Variants in SCTR observed in about 807,000 individuals in gnomAD.
The protein encoded by SCTR is secretin receptor.
In SCTR, 56 loss-of-function variants were observed where a neutral mutation model predicts 60.8. The ratio of observed to expected loss-of-function variants is 0.92; its 90% CI spans 0.74 to 1.15. The LOEUF (loss-of-function observed/expected upper bound fraction) is 1.15, where lower values mean the gene tolerates loss of function less well. Among genes scored for constraint, SCTR ranks in the 50% most tolerant of loss-of-function variants. SCTR has a pLI of 0.00. For missense variants in SCTR, 562 were observed against 550.4 expected (o/e 1.02, Z -0.21); for synonymous variants, 202 against 217.0 (o/e 0.93, Z 0.61).
intron 3 of SCTR, among the ~76,000 whole-genome samples, chr2:119,474,976 C>A (rs1377513256): frequency 1.3e-5 from 2 of 152,188 alleles, no homozygotes; most frequent in East Asian, 3.9e-4. Context: ...GTGTGACCTT[C>A]GGTGCATCAT....
At chr2:119,505,772 G>A (rs925649258) in intron 1 of SCTR, among the ~76,000 whole-genome samples, 1 of 150,674 alleles carries the variant, frequency 6.6e-6, no homozygotes, top group African/African-American at 2.4e-5. Context: ...AGAGTTAATG[G>A]GTGCAGCACA....
intron 1 of SCTR, among the ~76,000 whole-genome samples, chr2:119,508,021 T>C (rs1046807322): frequency 6.6e-6 from 1 of 152,182 alleles, no homozygotes; most frequent in East Asian, 1.9e-4. Context: ...CTTTCTCTAG[T>C]ATAATCAAAA....
intron 11 of SCTR, 38 bp downstream of exon 11, chr2:119,446,718 ACTC>A: frequency 7.0e-7 from 1 of 1,432,164 alleles, no homozygotes; most frequent in Non-Finnish European, 9.2e-7. Context: ...GACACAGAGA[ACTC>A]CTCTTTTCAG....
chr2:119,465,272 G>A (rs1683784796), intron 5 of SCTR, among the ~76,000 whole-genome samples: 1 of 152,172 alleles, frequency 6.6e-6, no homozygotes, highest in Non-Finnish European at 1.5e-5. Flanking sequence ...ACTGCTGGTG[G>A]TTGTCTCTGC....
intron 4 of SCTR, among the ~76,000 whole-genome samples, chr2:119,467,916 A>G (rs914697250): frequency 6.6e-6 from 1 of 152,240 alleles, no homozygotes; most frequent in African/African-American, 2.4e-5. Context: ...ATTATATGAA[A>G]ACTGATTCTG....
intron 1 of SCTR, among the ~76,000 whole-genome samples, chr2:119,509,502 G>A (rs190026794): frequency 6.6e-6 from 1 of 152,290 alleles, no homozygotes; most frequent in East Asian, 1.9e-4. Context: ...ACAGAGCAAG[G>A]TTAGAAATGG....
chr2:119,449,900 A>G (rs1231775974), intron 9 of SCTR, among the ~76,000 whole-genome samples: 5 of 143,878 alleles, frequency 3.5e-5, no homozygotes, highest in Non-Finnish European at 7.5e-5. Context: ...TGTTTGCCTT[A>G]GAGTTGTATT....
At chr2:119,516,503 T>A (rs1679120765) in intron 1 of SCTR, among the ~76,000 whole-genome samples, 2 of 152,010 alleles carry the variant, frequency 1.3e-5, no homozygotes, top group African/African-American at 4.8e-5. Context: ...ATATGTGGAA[T>A]ATTACAAAGT....
Position 119,448,768 on chromosome 2 carries a change from G to T in SCTR, c.934C>A (p.Leu312Ile), listed in dbSNP as rs149428185. The T allele has an allele frequency of 6.3e-7, 1 of 1,586,670 alleles. No individual in the cohort carries two copies. The highest frequency in any genetic ancestry group is 8.7e-7 in the Non-Finnish European group (1 of 1,155,164). ...VILSILINFI[L>I]FINILRILMR... ...AGGATTCTTAGAATGTTTATGAAAA[G>T]GATGAAATTAATCTGCAAAACACAA... is the stretch of plus-strand genomic sequence containing the variant. The change falls in exon 10 of 13, where the codon CTT (leucine) becomes ATT (isoleucine). Residue 312 changes from leucine to isoleucine, a missense_variant. Physicochemically the swap from Leu to Ile is conservative, Grantham distance 5. Transcript: ENST00000019103.
chr2:119,503,438 C>T (rs999490288), intron 1 of SCTR, among the ~76,000 whole-genome samples: 11 of 151,936 alleles, frequency 7.2e-5, no homozygotes, highest in Non-Finnish European at 1.0e-4. Flanking sequence ...GGCATGGTGG[C>T]GTGCATAGGA....
chr2:119,506,998 C>T (rs1678761196), intron 1 of SCTR, among the ~76,000 whole-genome samples: 1 of 152,070 alleles, frequency 6.6e-6, no homozygotes, highest in Admixed American at 6.5e-5. Context: ...AAGATGTTAC[C>T]ATTGGGAGAA....
chr2:119,516,849 C>T (rs1044120812), intron 1 of SCTR, among the ~76,000 whole-genome samples: 1 of 152,108 alleles, frequency 6.6e-6, no homozygotes, highest in Non-Finnish European at 1.5e-5. Context: ...ATCCCAGCTA[C>T]TCGGGAGGCT....
chr2:119,509,676 T>G lies in SCTR; in HGVS notation c.72+14479A>C, dbSNP rs371758435. On this transcript the variant is annotated intron_variant, in intron 1 of 12. Coordinates refer to ENST00000019103, the MANE Select transcript of SCTR (RefSeq NM_002980.3). The stretch of plus-strand genomic sequence containing the variant: ...TGGTAAAATATACATAACATAAAAT[T>G]TACCATTTTAACCATTTAATGTGTG... Among the ~76,000 whole-genome samples the G allele has an allele frequency of 6.6e-5, 10 of 152,252 alleles. No homozygotes were observed. The South Asian group carries it at 1.0e-3, about 16-fold the overall frequency.
chr2:119,506,168 G>C (rs1254300594), intron 1 of SCTR, among the ~76,000 whole-genome samples: 2 of 152,106 alleles, frequency 1.3e-5, no homozygotes, highest in African/African-American at 4.8e-5. Context: ...TTATCCCAGA[G>C]GAATGAAAAC....
intron 4 of SCTR, among the ~76,000 whole-genome samples, chr2:119,467,516 G>A (rs1368162333): frequency 6.6e-6 from 1 of 152,160 alleles, no homozygotes; most frequent in Non-Finnish European, 1.5e-5. Context: ...CTGCAGGTGA[G>A]GGTATAGTGG....
intron 11 of SCTR, among the ~76,000 whole-genome samples, chr2:119,443,530 T>C (rs555699953): frequency 1.3e-5 from 2 of 152,384 alleles, no homozygotes; most frequent in East Asian, 1.9e-4. Flanking sequence ...GCATTATTTA[T>C]ACAATTAGAA....
At chr2:119,458,932 G>A (rs1683489330) in intron 7 of SCTR, among the ~76,000 whole-genome samples, 1 of 152,198 alleles carries the variant, frequency 6.6e-6, no homozygotes, top group African/African-American at 2.4e-5. Context: ...CACTCGCTGA[G>A]TGGCAGCCTG....
intron 1 of SCTR, among the ~76,000 whole-genome samples, chr2:119,506,204 T>C (rs933900751): frequency 2.8e-4 from 42 of 152,192 alleles, no homozygotes; most frequent in Admixed American, 2.7e-3. Context: ...AACCTGTTCA[T>C]AAATATTTAT....
chr2:119,502,117 G>A (rs910543743), intron 1 of SCTR, among the ~76,000 whole-genome samples: 2 of 152,078 alleles, frequency 1.3e-5, no homozygotes, highest in African/African-American at 2.4e-5. Flanking sequence ...TTAGTTGGGT[G>A]TGGTGTCATG....
Sources: gnomAD v4.1 joint callset for allele counts (sites outside exome capture counted in the v4.1 genomes callset) on GRCh38, gnomAD v4.1.1 for gene constraint, MANE v1.5 for transcripts, NCBI Gene and HGNC (gene_info 2026-07-23, HGNC 2026-07-21) for gene names.